ZRANB3: variants seen among roughly 807,000 people sequenced by gnomAD.
ZRANB3 encodes DNA annealing helicase and endonuclease ZRANB3.
A neutral mutation model predicts 133.8 loss-of-function variants in ZRANB3; 125 were observed. The ratio of observed to expected loss-of-function variants is 0.93; its 90% CI spans 0.81 to 1.08. The LOEUF (loss-of-function observed/expected upper bound fraction) is 1.08, where lower values mean the gene tolerates loss of function less well. ZRANB3 is among the 50% of genes least tolerant of loss of function. ZRANB3 has a pLI of 0.00. For synonymous variants in ZRANB3, 387 were observed against 432.7 expected (o/e 0.89, Z 1.31); for missense variants, 1,229 against 1,275.5 (o/e 0.96, Z 0.56).
chr2:135,477,365 C>T (rs1691551022), intron 2 of ZRANB3, among the ~76,000 whole-genome samples: 2 of 152,208 alleles, frequency 1.3e-5, no homozygotes, highest in African/African-American at 4.8e-5. Flanking sequence ...CTCTCTCCTA[C>T]AGAATACTCC....
chr2:135,263,383 T>C (rs188586018), intron 12 of ZRANB3, among the ~76,000 whole-genome samples: 24 of 152,326 alleles, frequency 1.6e-4, no homozygotes, highest in Non-Finnish European at 3.2e-4. Context: ...TTTTTTGCAT[T>C]CTAAAAAATG....
chr2:135,306,812 A>G (rs1435371584), intron 8 of ZRANB3, among the ~76,000 whole-genome samples: 1 of 151,034 alleles, frequency 6.6e-6, no homozygotes. Flanking sequence ...CTGGTCTCGA[A>G]CTCCTGACCT....
In ZRANB3 at chr2:135,421,890, C is replaced by CT. The variant is rs79373075; in HGVS notation, c.162-31071dup. On this transcript the variant is annotated intron_variant, in intron 2 of 20. Coordinates refer to ENST00000264159, the MANE Select transcript of ZRANB3 (RefSeq NM_032143.4). ...AATACTTTTATTTCTTTTTTTTTTC[C>CT]TTTTTTTTTTTTTTTGCTTTCTAAA... is the stretch of plus-strand genomic sequence containing the variant. Among the ~76,000 whole-genome samples the CT allele has an allele frequency of 5.2e-3, 667 of 127,394 alleles. 2 individuals carry two copies. Among genetic ancestry groups the CT allele is most frequent in the African/African-American group, 0.011 (389 of 34,812 alleles). The allele number at this position is 127,394 out of a possible 152,430, so 83.6% of individuals were successfully genotyped here. A position where few individuals can be genotyped will look rare whatever the true frequency, so the allele number is the denominator to read the frequency against.
intron 2 of ZRANB3, among the ~76,000 whole-genome samples, chr2:135,418,825 A>T (rs1342010075): frequency 6.6e-6 from 1 of 151,840 alleles, no homozygotes; most frequent in Non-Finnish European, 1.5e-5. Context: ...TCCTCCTGAG[A>T]CACTACAAAG....
chr2:135,468,486 T>G (rs976741575), intron 2 of ZRANB3, among the ~76,000 whole-genome samples: 1 of 152,340 alleles, frequency 6.6e-6, no homozygotes, highest in Non-Finnish European at 1.5e-5. Context: ...ATCTACACAA[T>G]GTAACAAAAT....
At chr2:135,280,197 T>C (rs1681032790) in intron 8 of ZRANB3, among the ~76,000 whole-genome samples, 1 of 152,238 alleles carries the variant, frequency 6.6e-6, no homozygotes, top group African/African-American at 2.4e-5. Context: ...TTTACTAGAA[T>C]TGATCTGTTA....
At chr2:135,516,221 T>A (rs1559049944) in intron 1 of ZRANB3, among the ~76,000 whole-genome samples, 1 of 152,154 alleles carries the variant, frequency 6.6e-6, no homozygotes, top group Non-Finnish European at 1.5e-5. Flanking sequence ...CACTGATGGG[T>A]CTTGACTCTA....
Position 135,399,572 on chromosome 2 carries a change from T to C in ZRANB3, c.162-8752A>G, listed in dbSNP as rs957569201. 9.3e-4 allele frequency among the ~76,000 whole-genome samples: 142 copies of C among 152,312 alleles called. 1 individual carries two copies. The highest frequency in any genetic ancestry group is 3.2e-3 in the African/African-American group (134 of 41,570). On this transcript the variant is annotated intron_variant, in intron 2 of 20. Transcript: ENST00000264159. Reference sequence around the variant, plus strand: ...CACTTATATTCTTAAGAGAAGGGCATACAAGGTTAGACAGAAGATTTTCTT... The same window carrying C: ...CACTTATATTCTTAAGAGAAGGGCACACAAGGTTAGACAGAAGATTTTCTT...
intron 11 of ZRANB3, among the ~76,000 whole-genome samples, chr2:135,267,857 G>T (rs554420178): frequency 3.3e-5 from 5 of 152,096 alleles, no homozygotes; most frequent in Non-Finnish European, 2.9e-5. Context: ...TGTTGATGGT[G>T]TTCGGAGGTG....
At chr2:135,247,023 G>C (rs1695830750) in intron 12 of ZRANB3, among the ~76,000 whole-genome samples, 1 of 152,186 alleles carries the variant, frequency 6.6e-6, no homozygotes, top group African/African-American at 2.4e-5. Context: ...TGCCATTCCA[G>C]GGAAGCACAG....
At chr2:135,473,290 AT>A (rs1281540774) in intron 2 of ZRANB3, among the ~76,000 whole-genome samples, 2 of 152,222 alleles carry the variant, frequency 1.3e-5, no homozygotes, top group Non-Finnish European at 2.9e-5. Context: ...AAATAATCCA[AT>A]GGTAACAGCA....
At chr2:135,217,030 CT>C (rs1694340011) in intron 17 of ZRANB3, among the ~76,000 whole-genome samples, 1 of 152,164 alleles carries the variant, frequency 6.6e-6, no homozygotes, top group Non-Finnish European at 1.5e-5. Context: ...TCTTCCATTA[CT>C]TGGGTGGTGA....
intron 2 of ZRANB3, among the ~76,000 whole-genome samples, chr2:135,457,166 G>A (rs1302643484): frequency 1.3e-5 from 2 of 152,116 alleles, no homozygotes; most frequent in Admixed American, 1.3e-4. Flanking sequence ...CCATTTCATG[G>A]ATACTAGTCC....
intron 8 of ZRANB3, among the ~76,000 whole-genome samples, chr2:135,288,255 A>C (rs939621528): frequency 6.6e-6 from 1 of 152,132 alleles, no homozygotes; most frequent in Non-Finnish European, 1.5e-5. Flanking sequence ...GTGTGTGTTA[A>C]GCTATCCCAG....
At chr2:135,508,558 T>C (rs1693301589) in intron 1 of ZRANB3, among the ~76,000 whole-genome samples, 1 of 152,146 alleles carries the variant, frequency 6.6e-6, no homozygotes, top group African/African-American at 2.4e-5. Context: ...TAAAACATTA[T>C]GAAAATGTAC....
chr2:135,394,319 A>G (rs1216378992), intron 2 of ZRANB3, among the ~76,000 whole-genome samples: 2 of 152,226 alleles, frequency 1.3e-5, no homozygotes, highest in Non-Finnish European at 2.9e-5. Context: ...ACACCTTAAC[A>G]TAGATTCAAG....
Position 135,334,396 on chromosome 2 carries a change from G to A in ZRANB3, c.677+11154C>T, listed in dbSNP as rs370148216. On this transcript the variant is annotated intron_variant, in intron 6 of 20. Transcript: ENST00000264159. ...AGCTGACTTTCTAAGTCTCAATGCA[G>A]AATACATATTCTATTAATATTTATC... 3.3e-5 allele frequency among the ~76,000 whole-genome samples: 5 copies of A among 152,070 alleles called. No individual in the cohort carries two copies. In the East Asian group the frequency reaches 9.6e-4, roughly 29 times the overall value.
chr2:135,353,785 G>A (rs902548551), intron 3 of ZRANB3, among the ~76,000 whole-genome samples, 157 bp from the exon 4 acceptor site: 1 of 152,248 alleles, frequency 6.6e-6, no homozygotes, highest in Middle Eastern at 3.4e-3. Flanking sequence ...TGGATCGCTT[G>A]AGCCCAGGAG....
intron 17 of ZRANB3, among the ~76,000 whole-genome samples, chr2:135,210,785 T>C (rs1694063799): frequency 6.6e-6 from 1 of 152,172 alleles, no homozygotes; most frequent in Non-Finnish European, 1.5e-5. Flanking sequence ...TATCTCATCA[T>C]AGATTTTAAA....
Sources: allele counts gnomAD v4.1 joint callset (sites outside exome capture counted in the v4.1 genomes callset), GRCh38; gene constraint gnomAD v4.1.1; transcripts MANE v1.5; gene names NCBI Gene and HGNC (gene_info 2026-07-23, HGNC 2026-07-21).